The following PLB1 variants were observed in gnomAD, a reference collection of about 807,000 sequenced individuals.
PLB1 encodes phospholipase B1, also known as phospholipase B1, membrane-associated.
In PLB1, 242 loss-of-function variants were observed where a neutral mutation model predicts 227.4. The observed-to-expected ratio is 1.06, with a 90% CI of 0.96 to 1.18. The LOEUF (loss-of-function observed/expected upper bound fraction) is 1.18, where lower values mean the gene tolerates loss of function less well. PLB1 is among the 50% of genes most tolerant of loss of function. PLB1 has a pLI of 0.00. For synonymous variants in PLB1, 757 were observed against 682.2 expected (o/e 1.11, Z -1.71); for missense variants, 1,858 against 1,816.3 (o/e 1.02, Z -0.42).
At chr2:28,579,489 C>G in intron 22 of PLB1, 138 bp from the exon 23 acceptor site, 1 of 623,026 alleles carries the variant, frequency 1.6e-6, no homozygotes, top group South Asian at 1.8e-5. Context: ...ACCCTAAAAG[C>G]AAGGAACAGA....
chr2:28,575,898 A>T (rs1678847076), intron 21 of PLB1, among the ~76,000 whole-genome samples: 1 of 152,042 alleles, frequency 6.6e-6, no homozygotes, highest in South Asian at 2.1e-4. Context: ...TTTCCTTTTG[A>T]TGGGGATAGG....
intron 37 of PLB1, 108 bp from the exon 38 acceptor site, chr2:28,601,791 A>AG (rs1045019821): frequency 2.2e-6 from 2 of 919,802 alleles, no homozygotes; most frequent in Non-Finnish European, 3.6e-6. Flanking sequence ...TGGAGGCTAG[A>AG]GGGGGAACAA....
intron 33 of PLB1, among the ~76,000 whole-genome samples, chr2:28,596,898 C>T (rs1683012850): frequency 6.6e-6 from 1 of 152,220 alleles, no homozygotes; most frequent in African/African-American, 2.4e-5. Flanking sequence ...GAATGAAGAA[C>T]AACTATGACT....
At chr2:28,528,336 T>A (rs1670551769) in intron 6 of PLB1, among the ~76,000 whole-genome samples, 1 of 152,162 alleles carries the variant, frequency 6.6e-6, no homozygotes. Context: ...CATGACACTC[T>A]CTCCCCGCTC....
chr2:28,585,859 T>A lies in PLB1; in HGVS notation c.1815+17T>A, dbSNP rs371481635. On this transcript the variant is annotated intron_variant, in intron 26 of 57. Coordinates refer to ENST00000327757, the MANE Select transcript of PLB1 (RefSeq NM_153021.5). Reference sequence around the variant, plus strand: ...AAGTTTCAGGTAAGCCGGGAAGGGGTTCTAAGACTTCCCAGAACTGCTGTG... The same window carrying A: ...AAGTTTCAGGTAAGCCGGGAAGGGGATCTAAGACTTCCCAGAACTGCTGTG... 17 of 1,560,764 alleles carry A rather than the reference T, an allele frequency of 1.1e-5. No homozygotes were observed. The African/African-American group carries it at 2.2e-4, about 20-fold the overall frequency.
intron 14 of PLB1, among the ~76,000 whole-genome samples, chr2:28,546,806 TA>T (rs149686090): frequency 3.3e-4 from 50 of 151,026 alleles, no homozygotes; most frequent in East Asian, 2.9e-3. Context: ...TGAGGCCCTT[TA>T]AAAAAAAATA....
intron 1 of PLB1, among the ~76,000 whole-genome samples, chr2:28,497,351 C>T (rs1463037176): frequency 6.6e-6 from 1 of 152,194 alleles, no homozygotes; most frequent in African/African-American, 2.4e-5. Context: ...TCAGAGCTCG[C>T]TGTAGCGAGA....
chr2:28,568,791 G>A lies in PLB1; in HGVS notation c.1324+1952G>A, dbSNP rs7583096. Reference sequence around the variant, plus strand: ...AAAGGAGCGTCAAGAATTAGAATTCGTCAGGTAAGGAAAGGGGAGAGAATG... The same window carrying A: ...AAAGGAGCGTCAAGAATTAGAATTCATCAGGTAAGGAAAGGGGAGAGAATG... On this transcript the variant is annotated intron_variant, in intron 20 of 57. Transcript: ENST00000327757. 7.8e-4 allele frequency among the ~76,000 whole-genome samples: 119 copies of A among 152,144 alleles called. 3 individuals are homozygous for A. Among genetic ancestry groups the A allele is most frequent in the East Asian group, 3.3e-3 (17 of 5,168 alleles).
chr2:28,531,778 CCTT>C (rs1178741362), intron 8 of PLB1, among the ~76,000 whole-genome samples: 7 of 152,172 alleles, frequency 4.6e-5, no homozygotes, highest in African/African-American at 1.7e-4. Flanking sequence ...TCCAGTTTTT[CCTT>C]CTTATGCATA....
rs552147889 is a variant in PLB1, at chr2:28,604,591, T to C, written c.2857-64T>C. ...GATGGACTGCCCACCACCCCTACTC[T>C]TGCCTCACTGGGTCCTGGGCCCACC... On this transcript the variant is annotated intron_variant, in intron 40 of 57. Coordinates refer to ENST00000327757, the MANE Select transcript of PLB1 (RefSeq NM_153021.5). The C allele has an allele frequency of 2.9e-6, 4 of 1,377,324 alleles. No individual in the cohort carries two copies. In the East Asian group the frequency reaches 7.1e-5, roughly 24 times the overall value. 85.3% of individuals were successfully genotyped at this position (1,377,324 alleles called of 1,614,324 possible).
At chr2:28,540,264 C>T (rs1228422864) in intron 11 of PLB1, 102 bp from the exon 12 acceptor site, 14 of 906,758 alleles carry the variant, frequency 1.5e-5, no homozygotes, top group Non-Finnish European at 1.8e-5. Flanking sequence ...ACTCCTTAAG[C>T]AACTCCTATG....
chr2:28,569,984 G>A (rs112596683), intron 20 of PLB1, among the ~76,000 whole-genome samples: 1,463 of 36,222 alleles, frequency 0.04, 350 homozygotes, highest in Middle Eastern at 0.23. Flanking sequence ...AAAAAAGAAA[G>A]AAAAAAGAAA....
intron 25 of PLB1, 99 bp downstream of exon 25, chr2:28,582,604 T>C (rs1452569159): frequency 8.2e-5 from 74 of 901,522 alleles, no homozygotes; most frequent in Non-Finnish European, 1.2e-4. Context: ...GGCCGAAGTG[T>C]GAAAGGGCTG....
intron 1 of PLB1, among the ~76,000 whole-genome samples, chr2:28,507,727 C>T (rs1347856846): frequency 2.0e-5 from 3 of 152,174 alleles, no homozygotes; most frequent in Non-Finnish European, 4.4e-5. Context: ...GGACTGCTTT[C>T]CTCCCTTGGG....
At chr2:28,564,007 G>C (rs1011845388) in intron 18 of PLB1, among the ~76,000 whole-genome samples, 10 of 152,246 alleles carry the variant, frequency 6.6e-5, no homozygotes, top group African/African-American at 1.9e-4. Context: ...TAGAAGGCCA[G>C]GGTGGGAGGA....
At chr2:28,542,249 G>A (rs186457327) in intron 13 of PLB1, among the ~76,000 whole-genome samples, 119 of 152,200 alleles carry the variant, frequency 7.8e-4, no homozygotes, top group African/African-American at 2.7e-3. Context: ...CAGCTCTCCT[G>A]AACCCAGGAT....
intron 1 of PLB1, among the ~76,000 whole-genome samples, chr2:28,510,806 T>C (rs1248387208): frequency 1.5e-5 from 1 of 65,386 alleles, no homozygotes. Context: ...GTGTGTGTGT[T>C]TTGTAGAGAC....
chr2:28,551,804 C>T (rs1167345820), intron 16 of PLB1, among the ~76,000 whole-genome samples: 1 of 152,216 alleles, frequency 6.6e-6, no homozygotes, highest in Admixed American at 6.5e-5. Context: ...ATAATAGAAT[C>T]TAGCATACCA....
rs3041209 is a variant in PLB1 at position 28,558,156 on chromosome 2, C to CTGTG, written c.1148-4863_1148-4860dup. On this transcript the variant is annotated intron_variant, in intron 17 of 57. Transcript: ENST00000327757. ...TAAACATAGGGGGGTGTGTGTGTCTCTGTGTGTGTGTGTGTGTGTGTGTGT... is the reference window on the plus strand; with the variant it reads ...TAAACATAGGGGGGTGTGTGTGTCTCTGTGTGTGTGTGTGTGTGTGTGTGTGTGT... Among the ~76,000 whole-genome samples, 795 of 150,434 alleles carry CTGTG rather than the reference C, an allele frequency of 5.3e-3. 6 individuals are homozygous for CTGTG. Among genetic ancestry groups the CTGTG allele is most frequent in the African/African-American group, 1.0e-2 (408 of 40,972 alleles).
Sources: gnomAD v4.1 joint callset for allele counts (sites outside exome capture counted in the v4.1 genomes callset) on GRCh38, gnomAD v4.1.1 for gene constraint, MANE v1.5 for transcripts, NCBI Gene and HGNC (gene_info 2026-07-23, HGNC 2026-07-21) for gene names.